The following PABPC4L variants were observed in gnomAD, a reference collection of about 807,000 sequenced individuals.
PABPC4L encodes the protein poly(A) binding protein cytoplasmic 4 like.
For synonymous variants in PABPC4L, 169 were observed against 164.1 expected, an observed-to-expected ratio of 1.03 and a Z score of -0.23; for missense variants, 452 against 451.4, an observed-to-expected ratio of 1.00 and a Z score of -0.01.
chr4:134,140,111 GTT>G, the PABPC4L span, among the ~76,000 whole-genome samples: 12 of 151,762 alleles, frequency 7.9e-5, no homozygotes, highest in African/African-American at 2.9e-4. Context: ...AGAATATAAA[GTT>G]TTAGTTACGT....
chr4:134,017,730 T>C, the PABPC4L span, among the ~76,000 whole-genome samples: 1 of 152,076 alleles, frequency 6.6e-6, no homozygotes, highest in South Asian at 2.1e-4. Flanking sequence ...ATCCAGGCCA[T>C]CACCAATAAT....
chr4:134,027,269 TGATGGCAG>T, the PABPC4L span, among the ~76,000 whole-genome samples: 7 of 151,968 alleles, frequency 4.6e-5, no homozygotes, highest in African/African-American at 1.7e-4. Context: ...TGCAATCCTG[TGATGGCAG>T]GATGGCAGGA....
At chr4:134,164,120 G>A in the PABPC4L span, among the ~76,000 whole-genome samples, 29 of 150,512 alleles carry the variant, frequency 1.9e-4, 1 homozygote, top group East Asian at 1.4e-3. Flanking sequence ...AAAATTAGCC[G>A]GGCGTAGTGG....
chr4:134,008,907 G>C, the PABPC4L span, among the ~76,000 whole-genome samples: 1 of 151,800 alleles, frequency 6.6e-6, no homozygotes, highest in East Asian at 1.9e-4. Context: ...AAAATAAAAG[G>C]TGAGCATTTG....
At chr4:133,974,391 T>G in the PABPC4L span, among the ~76,000 whole-genome samples, 3 of 152,054 alleles carry the variant, frequency 2.0e-5, no homozygotes, top group African/African-American at 7.2e-5. Flanking sequence ...GACTACAAAC[T>G]AAGAATTTTA....
At chr4:134,079,413 T>A in the PABPC4L span, among the ~76,000 whole-genome samples, 1 of 47,656 alleles carries the variant, frequency 2.1e-5, no homozygotes, top group Non-Finnish European at 3.5e-5. Flanking sequence ...ACCCCATCTT[T>A]ACTAAAAAAA....
At chr4:134,109,620 C>A in the PABPC4L span, among the ~76,000 whole-genome samples, 1 of 151,472 alleles carries the variant, frequency 6.6e-6, no homozygotes, top group East Asian at 1.9e-4. Context: ...CTAAAGACTC[C>A]CACTGATAAA....
chr4:134,056,363 T>C, the PABPC4L span, among the ~76,000 whole-genome samples: 2 of 152,018 alleles, frequency 1.3e-5, no homozygotes, highest in Non-Finnish European at 2.9e-5. Flanking sequence ...TTTATATCTA[T>C]ATCTACATAA....
chr4:134,195,403 A>T (rs1225525634), downstream of PABPC4L, among the ~76,000 whole-genome samples: 3 of 151,832 alleles, frequency 2.0e-5, no homozygotes, highest in Admixed American at 1.3e-4. Flanking sequence ...TACTGATTGT[A>T]AAAACAAAAA....
chr4:134,192,704 T>G (rs1036105336), downstream of PABPC4L, among the ~76,000 whole-genome samples: 1 of 152,072 alleles, frequency 6.6e-6, no homozygotes, highest in Non-Finnish European at 1.5e-5. Flanking sequence ...ACACTACTAC[T>G]AAACTCAGTA....
At chr4:134,118,009 T>C in the PABPC4L span, among the ~76,000 whole-genome samples, 4 of 151,792 alleles carry the variant, frequency 2.6e-5, no homozygotes, top group Admixed American at 6.6e-5. Flanking sequence ...ATCCAGCCCA[T>C]TACAGGTGCA....
At chr4:134,032,729 A>G in the PABPC4L span, among the ~76,000 whole-genome samples, 1 of 151,878 alleles carries the variant, frequency 6.6e-6, no homozygotes, top group Admixed American at 6.6e-5. Context: ...TGAATAAAGA[A>G]CTATCTAACA....
the PABPC4L span, among the ~76,000 whole-genome samples, chr4:134,187,741 C>G: frequency 6.6e-6 from 1 of 151,894 alleles, no homozygotes. Flanking sequence ...TAGATACTCC[C>G]TCTTTCTTTT....
At chr4:134,127,535 G>C in the PABPC4L span, among the ~76,000 whole-genome samples, 1 of 152,054 alleles carries the variant, frequency 6.6e-6, no homozygotes, top group Admixed American at 6.6e-5. Context: ...TGGGTGGCCA[G>C]ATCCAGAAGA....
the PABPC4L span, among the ~76,000 whole-genome samples, chr4:134,086,946 T>TCCCCCTTC: frequency 7.0e-6 from 1 of 142,498 alleles, no homozygotes; most frequent in Non-Finnish European, 1.5e-5. Flanking sequence ...ATGCTATCCC[T>TCCCCCTTC]CCCCCTTCCC....
the PABPC4L span, among the ~76,000 whole-genome samples, chr4:133,972,798 A>G: frequency 1.9e-4 from 29 of 152,300 alleles, no homozygotes; most frequent in Admixed American, 1.9e-3. Flanking sequence ...GACATAATAA[A>G]TATGCACTGG....
rs1321508105 is a variant in PABPC4L, at chr4:134,200,459, A to C, written c.561T>G (p.Ser187Arg). The C allele has an allele frequency of 6.4e-7, 1 of 1,551,660 alleles. No individual in the cohort carries two copies. The highest frequency in any genetic ancestry group is 2.0e-5 in the Admixed American group (1 of 50,990). Reference sequence around the variant, plus strand: ...TTTTTATGTAAACATTGGTGAATTCACTGGCTTTGCTTCTGAGTTCAGCTT... The same window carrying C: ...TTTTTATGTAAACATTGGTGAATTCCCTGGCTTTGCTTCTGAGTTCAGCTT... ...DREAELRSKA[S>R]EFTNVYIKNF... The change falls in exon 2 of 2, where the codon AGT becomes AGG. Residue 187 changes from serine (S) to arginine (R), a missense_variant. Physicochemically the swap from Ser to Arg is moderately radical, Grantham distance 110. Transcript: ENST00000421491.
the PABPC4L span, among the ~76,000 whole-genome samples, chr4:134,104,615 G>A: frequency 6.6e-6 from 1 of 151,614 alleles, no homozygotes; most frequent in Non-Finnish European, 1.5e-5. Context: ...TTATATTTGT[G>A]CTCACAGGCC....
At chr4:134,178,802 C>T in the PABPC4L span, among the ~76,000 whole-genome samples, 899 of 152,080 alleles carry the variant, frequency 5.9e-3, 12 homozygotes, top group African/African-American at 0.021. Flanking sequence ...AATTTCAGAG[C>T]TTGAAAACTG....
Sources: gnomAD v4.1 joint callset for allele counts (sites outside exome capture counted in the v4.1 genomes callset) on GRCh38, gnomAD v4.1.1 for gene constraint, MANE v1.5 for transcripts, NCBI Gene and HGNC (gene_info 2026-07-23, HGNC 2026-07-21) for gene names.